Variants in PIK3AP1 observed in about 807,000 individuals in gnomAD.
PIK3AP1 encodes the protein phosphoinositide 3-kinase adapter protein 1.
In PIK3AP1, 21 loss-of-function variants were observed where a neutral mutation model predicts 88.1. The ratio of observed to expected loss-of-function variants is 0.24; its 90% CI spans 0.17 to 0.34. PIK3AP1 has a LOEUF of 0.34. PIK3AP1 is among the 10% of genes least tolerant of loss of function. The probability of loss-of-function intolerance (pLI) is 1.00; values close to 1 mark genes in which losing one functional copy is unlikely to be tolerated. For missense variants in PIK3AP1, 828 were observed against 1,035.7 expected (o/e 0.80, Z 2.75); for synonymous variants, 398 against 400.0 (o/e 1.00, Z 0.06).
chr10:96,631,313 T>C (rs1415159105), intron 8 of PIK3AP1, among the ~76,000 whole-genome samples: 1 of 152,180 alleles, frequency 6.6e-6, no homozygotes, highest in Non-Finnish European at 1.5e-5. Flanking sequence ...CTGTCAACCC[T>C]GTTGACAGAG....
intron 2 of PIK3AP1, among the ~76,000 whole-genome samples, chr10:96,705,231 G>A (rs1043629353): frequency 1.3e-5 from 2 of 152,176 alleles, no homozygotes; most frequent in Non-Finnish European, 2.9e-5. Context: ...AGGTATACCA[G>A]GTGAAGGAGG....
intron 2 of PIK3AP1, among the ~76,000 whole-genome samples, chr10:96,678,152 G>A (rs910885948): frequency 2.6e-5 from 4 of 152,038 alleles, no homozygotes; most frequent in African/African-American, 7.2e-5. Flanking sequence ...AAAAATTGTA[G>A]GCTGGGCACA....
intron 16 of PIK3AP1, 25 bp from the exon 17 acceptor site, chr10:96,595,659 T>C (rs747957027): frequency 6.2e-7 from 1 of 1,609,842 alleles, no homozygotes; most frequent in South Asian, 1.1e-5. Flanking sequence ...AAGGCAACTC[T>C]ATTTAAAAAC....
intron 10 of PIK3AP1, among the ~76,000 whole-genome samples, chr10:96,623,999 G>A (rs1465199997): frequency 6.6e-6 from 1 of 152,218 alleles, no homozygotes; most frequent in East Asian, 1.9e-4. Context: ...ATGAAGGTTA[G>A]GAGAGAAAAC....
chr10:96,606,301 A>T (rs1849001886), intron 14 of PIK3AP1, among the ~76,000 whole-genome samples: 1 of 152,122 alleles, frequency 6.6e-6, no homozygotes, highest in South Asian at 2.1e-4. Context: ...CCTCGGGCCC[A>T]CGGGCCCCCA....
intron 8 of PIK3AP1, among the ~76,000 whole-genome samples, chr10:96,636,364 A>G (rs1843313040): frequency 6.6e-6 from 1 of 152,246 alleles, no homozygotes; most frequent in African/African-American, 2.4e-5. Context: ...TGGTAGTAGC[A>G]CATATTATCT....
At chr10:96,671,562 C>T (rs74153705) in intron 2 of PIK3AP1, among the ~76,000 whole-genome samples, 18,102 of 152,098 alleles carry the variant, frequency 0.12, 1,795 homozygotes, top group African/African-American at 0.25. Context: ...TTCTTACCCA[C>T]CAGATGTCTT....
intron 8 of PIK3AP1, among the ~76,000 whole-genome samples, chr10:96,635,863 C>T (rs371217415): frequency 3.9e-5 from 6 of 151,960 alleles, no homozygotes; most frequent in South Asian, 2.1e-4. Flanking sequence ...TGAGATTGCA[C>T]GACGGCACTC....
intron 2 of PIK3AP1, among the ~76,000 whole-genome samples, chr10:96,675,728 G>T (rs1843908924): frequency 6.6e-6 from 1 of 152,084 alleles, no homozygotes; most frequent in Admixed American, 6.5e-5. Flanking sequence ...CTACCTCTCA[G>T]GACTGTTATT....
At chr10:96,705,436 T>C (rs1277337794) in intron 2 of PIK3AP1, among the ~76,000 whole-genome samples, 1 of 152,172 alleles carries the variant, frequency 6.6e-6, no homozygotes, top group Non-Finnish European at 1.5e-5. Flanking sequence ...AGGCAACCCA[T>C]TCCACCTTCA....
At chr10:96,684,484 T>C (rs777759801) in intron 2 of PIK3AP1, among the ~76,000 whole-genome samples, 4 of 152,206 alleles carry the variant, frequency 2.6e-5, no homozygotes, top group Non-Finnish European at 5.9e-5. Context: ...CAAAGTCTGA[T>C]CTGGGAGCAG....
At position 96,604,017 on chromosome 10, in the gene PIK3AP1, GGC is replaced by G. The variant is rs1848956116; in HGVS notation, c.2201_2202del (p.Ser734ThrfsTer15). The G allele has an allele frequency of 6.2e-6, 10 of 1,608,162 alleles. No individual in the cohort carries two copies. Among genetic ancestry groups the G allele is most frequent in the Non-Finnish European group, 8.5e-6 (10 of 1,177,184 alleles). Reference protein sequence around the residue: ...SSTSNRSSTRSLLSVSSGMEG... With the variant: ...SSTSNRSSTRXLLSVSSGMEG... Reference sequence around the variant, plus strand: ...TCCATCCCGCTGCTCACACTGAGGAGGCTCCGGGTGCTGGAGCGGTTACTTGT... The same window carrying G: ...TCCATCCCGCTGCTCACACTGAGGAGTCCGGGTGCTGGAGCGGTTACTTGT... On this transcript the variant is annotated frameshift_variant, in exon 15 of 17. Coordinates refer to ENST00000339364, the MANE Select transcript of PIK3AP1 (RefSeq NM_152309.3). LOFTEE classifies it high-confidence loss of function.
intron 12 of PIK3AP1, among the ~76,000 whole-genome samples, chr10:96,617,360 T>C (rs1843008702): frequency 6.6e-6 from 1 of 152,198 alleles, no homozygotes; most frequent in Non-Finnish European, 1.5e-5. Context: ...CGAAGTTAAG[T>C]GCCTGAGCAT....
At chr10:96,698,427 G>A (rs892547868) in intron 2 of PIK3AP1, among the ~76,000 whole-genome samples, 1 of 152,050 alleles carries the variant, frequency 6.6e-6, no homozygotes, top group Non-Finnish European at 1.5e-5. Flanking sequence ...GAGGCAGATG[G>A]ATCACCTGAG....
chr10:96,670,548 T>C (rs574226457), intron 2 of PIK3AP1, among the ~76,000 whole-genome samples: 18 of 152,174 alleles, frequency 1.2e-4, no homozygotes, highest in East Asian at 7.7e-4. Flanking sequence ...CACAAAGGCA[T>C]GAGCGCAAAT....
Position 96,704,862 on chromosome 10 carries a change from C to T in PIK3AP1, c.430+4705G>A, listed in dbSNP as rs1844342123. Among the ~76,000 whole-genome samples the T allele has an allele frequency of 2.0e-5, 3 of 152,150 alleles. 1 individual carries two copies. The highest frequency in any genetic ancestry group is 4.4e-5 in the Non-Finnish European group (3 of 68,030). ...GAGAAGCATTGTTTAGCTAGCATAGCAGCAAAAGAAAGTATAATTGACTAC... is the reference window on the plus strand; with the variant it reads ...GAGAAGCATTGTTTAGCTAGCATAGTAGCAAAAGAAAGTATAATTGACTAC... On this transcript the variant is annotated intron_variant, in intron 2 of 16. Transcript: ENST00000339364.
chr10:96,672,194 C>T (rs1289956246), intron 2 of PIK3AP1, among the ~76,000 whole-genome samples: 1 of 152,156 alleles, frequency 6.6e-6, no homozygotes, highest in Non-Finnish European at 1.5e-5. Context: ...CTTTGGAATG[C>T]AGGTGGGCTC....
intron 1 of PIK3AP1, among the ~76,000 whole-genome samples, 168 bp from the exon 2 acceptor site, chr10:96,710,151 T>A (rs1844420886): frequency 6.6e-6 from 1 of 152,206 alleles, no homozygotes; most frequent in Non-Finnish European, 1.5e-5. Flanking sequence ...TTTCCCCATT[T>A]ACAGTCTGTG....
chr10:96,717,615 A>G (rs1323530869), intron 1 of PIK3AP1, among the ~76,000 whole-genome samples: 1 of 152,234 alleles, frequency 6.6e-6, no homozygotes, highest in Non-Finnish European at 1.5e-5. Context: ...AAGTCCAGGA[A>G]TAGTAGAAGG....
Sources: gnomAD v4.1 joint callset for allele counts (sites outside exome capture counted in the v4.1 genomes callset) on GRCh38, gnomAD v4.1.1 for gene constraint, MANE v1.5 for transcripts, NCBI Gene and HGNC (gene_info 2026-07-23, HGNC 2026-07-21) for gene names.